Variants in NLRC4 observed in about 807,000 individuals in gnomAD.
NLRC4 encodes NLR family CARD domain containing 4.
Under a neutral mutation model 79.9 loss-of-function variants are expected in NLRC4, and 63 were observed. That is an observed-to-expected ratio of 0.79 (90% CI 0.64 to 0.97). NLRC4 has a LOEUF of 0.97. NLRC4 is among the 50% of genes least tolerant of loss of function. The probability of loss-of-function intolerance (pLI) is 0.00; values close to 1 mark genes in which losing one functional copy is unlikely to be tolerated. For synonymous variants in NLRC4, 461 were observed against 456.5 expected (o/e 1.01, Z -0.12); for missense variants, 1,074 against 1,215.2 (o/e 0.88, Z 1.73).
In NLRC4 at chr2:32,249,848, C is replaced by A. The variant is rs1319989105; in HGVS notation, c.2016G>T (p.Leu672Phe). ...CCAGATATCTGATATCTTGCTTATT[C>A]AACTTGCTGAAATCCCGGAGTGTGA... The part of the protein sequence containing the change: ...LEVTLRDFSK[L>F]NKQDIRYLGK... Residue 672 changes from leucine to phenylalanine, a missense_variant, in exon 4 of 9, where the codon TTG (leucine) becomes TTT (phenylalanine). Coordinates refer to ENST00000402280, the MANE Select transcript of NLRC4 (RefSeq NM_001199138.2). 1 of 1,614,184 alleles carries A rather than the reference C, an allele frequency of 6.2e-7. No individual in the cohort carries two copies. Among genetic ancestry groups the A allele is most frequent in the Non-Finnish European group, 8.5e-7 (1 of 1,180,032 alleles).
chr2:32,233,481 C>A (rs927738466), intron 8 of NLRC4, among the ~76,000 whole-genome samples: 1 of 151,264 alleles, frequency 6.6e-6, no homozygotes, highest in Non-Finnish European at 1.5e-5. Flanking sequence ...CATCAGCTAC[C>A]ACACCCAGCC....
intron 1 of NLRC4, among the ~76,000 whole-genome samples, chr2:32,264,093 C>G (rs1394835445): frequency 6.6e-6 from 1 of 152,070 alleles, no homozygotes; most frequent in African/African-American, 2.4e-5. Context: ...CCACCTCGTT[C>G]CTTTCAGCTT....
intron 6 of NLRC4, among the ~76,000 whole-genome samples, chr2:32,237,073 T>C (rs1686690887): frequency 1.3e-5 from 2 of 152,298 alleles, no homozygotes; most frequent in Admixed American, 6.5e-5. Context: ...AAAACTATTT[T>C]GCATGCAAAC....
chr2:32,232,314 T>C (rs765765496), intron 8 of NLRC4, among the ~76,000 whole-genome samples: 9 of 152,192 alleles, frequency 5.9e-5, no homozygotes, highest in Non-Finnish European at 1.0e-4. Context: ...AATATTTTCG[T>C]TGAAATTTGT....
intron 1 of NLRC4, among the ~76,000 whole-genome samples, chr2:32,262,061 C>T (rs1687365089): frequency 6.6e-6 from 1 of 151,950 alleles, no homozygotes; most frequent in African/African-American, 2.4e-5. Context: ...AGCCTGGTGA[C>T]AGAGCGAGAC....
intron 4 of NLRC4, among the ~76,000 whole-genome samples, chr2:32,246,113 G>A (rs577506431): frequency 6.6e-6 from 1 of 152,322 alleles, no homozygotes; most frequent in East Asian, 1.9e-4. Flanking sequence ...GAATCCGGGA[G>A]GTGGAGGTTG....
Position 32,237,806 on chromosome 2 carries a change from C to A in NLRC4, c.2521+326G>T, listed in dbSNP as rs376314177. 3.7e-4 allele frequency among the ~76,000 whole-genome samples: 56 copies of A among 152,264 alleles called. No individual in the cohort carries two copies. The South Asian group carries it at 0.011, about 31-fold the overall frequency. ...CTCACTTCTCAATCATTTATCCATTCATTTAAATGTTTATTAGGCAGTAAA... is the reference window on the plus strand; with the variant it reads ...CTCACTTCTCAATCATTTATCCATTAATTTAAATGTTTATTAGGCAGTAAA... On this transcript the variant is annotated intron_variant, in intron 6 of 8. Coordinates refer to ENST00000402280, the MANE Select transcript of NLRC4 (RefSeq NM_001199138.2).
chr2:32,236,027 C>T, intron 7 of NLRC4, among the ~76,000 whole-genome samples: 1 of 152,134 alleles, frequency 6.6e-6, no homozygotes, highest in South Asian at 2.1e-4. Context: ...AGGTGGGATA[C>T]CGCCTCAAAG....
chr2:32,254,555 G>A lies in NLRC4; in HGVS notation c.2-1876C>T, dbSNP rs575690442. ...GACAGCTTGGAGAAATGTCTTCCTG[G>A]TTTTTAACTCTCAGACACCGTCTGC... is the stretch of plus-strand genomic sequence containing the variant. On this transcript the variant is annotated intron_variant, in intron 2 of 8. Transcript: ENST00000402280. 6.6e-5 allele frequency among the ~76,000 whole-genome samples: 10 copies of A among 150,538 alleles called. 1 individual carries two copies. The highest frequency in any genetic ancestry group is 6.0e-4 in the Admixed American group (9 of 15,102).
chr2:32,242,391 A>G (rs1336763037), intron 4 of NLRC4, among the ~76,000 whole-genome samples: 1 of 152,266 alleles, frequency 6.6e-6, no homozygotes, highest in African/African-American at 2.4e-5. Flanking sequence ...AAATCTATGC[A>G]CATAAATTTG....
rs7587190 is a variant in NLRC4, at chr2:32,244,076, C to G, written c.2258-2951G>C. Among the ~76,000 whole-genome samples, 3 of 152,168 alleles carry G rather than the reference C, an allele frequency of 2.0e-5. No individual in the cohort carries two copies. The East Asian group carries it at 5.8e-4, about 29-fold the overall frequency. On this transcript the variant is annotated intron_variant, in intron 4 of 8. Transcript: ENST00000402280. The stretch of plus-strand genomic sequence containing the variant: ...ACCAGCCTGGGCAACATAGCGAGAA[C>G]TCGTCTCTACAAAAAATTTAAAAAT...
rs777972579 is a variant in NLRC4, at chr2:32,252,626, C to G, written c.55G>C (p.Val19Leu). ...RALIQRMGMTVIKQITDDLFV... is the reference protein window; with the variant it reads ...RALIQRMGMTLIKQITDDLFV... ...AGGTCATCTGTGATTTGCTTTATAA[C>G]AGTCATTCCCATTCTTTGAATAAGG... The change falls in exon 3 of 9, where the codon GTT becomes CTT. Residue 19 changes from valine (V) to leucine (L), a missense_variant. Physicochemically the swap from Val to Leu is conservative, Grantham distance 32. Coordinates refer to ENST00000402280, the MANE Select transcript of NLRC4 (RefSeq NM_001199138.2). The G allele has an allele frequency of 6.8e-6, 11 of 1,613,826 alleles. No homozygotes were observed. The South Asian group carries it at 1.2e-4, about 18-fold the overall frequency.
chr2:32,258,873 G>A (rs981764124), intron 1 of NLRC4, among the ~76,000 whole-genome samples: 1 of 151,952 alleles, frequency 6.6e-6, no homozygotes, highest in Non-Finnish European at 1.5e-5. Flanking sequence ...GATCTACCCC[G>A]GCTCCTCATA....
At chr2:32,233,119 G>GAA (rs1193059800) in intron 8 of NLRC4, among the ~76,000 whole-genome samples, 1 of 123,208 alleles carries the variant, frequency 8.1e-6, no homozygotes, top group African/African-American at 3.1e-5. Flanking sequence ...AAGAGAAAGA[G>GAA]AGGGGTGGGG....
intron 8 of NLRC4, among the ~76,000 whole-genome samples, chr2:32,234,140 G>A (rs1490091715): frequency 1.3e-5 from 2 of 152,184 alleles, no homozygotes; most frequent in East Asian, 1.9e-4. Context: ...CCAGCACTTT[G>A]GGAGGCCAGG....
At chr2:32,232,024 G>A (rs1686550319) in intron 8 of NLRC4, among the ~76,000 whole-genome samples, 1 of 152,072 alleles carries the variant, frequency 6.6e-6, no homozygotes, top group South Asian at 2.1e-4. Flanking sequence ...GGTCAGTTTT[G>A]TGTAGAAGTC....
intron 4 of NLRC4, among the ~76,000 whole-genome samples, chr2:32,245,910 G>T (rs188022384): frequency 3.3e-5 from 5 of 152,324 alleles, no homozygotes; most frequent in Admixed American, 2.6e-4. Context: ...GGGGCCAGGT[G>T]TGGTGGCTCA....
chr2:32,254,676 T>A (rs1687163971), intron 2 of NLRC4, among the ~76,000 whole-genome samples: 1 of 141,814 alleles, frequency 7.1e-6, no homozygotes, highest in Non-Finnish European at 1.5e-5. Context: ...TGGAGTGCAA[T>A]GGCGCGATCT....
At chr2:32,231,710 C>T (rs1026783045) in intron 8 of NLRC4, among the ~76,000 whole-genome samples, 3 of 151,996 alleles carry the variant, frequency 2.0e-5, no homozygotes, top group Non-Finnish European at 4.4e-5. Context: ...GCTGGGACTA[C>T]AGGCGTACGC....
Sources: allele counts gnomAD v4.1 joint callset (sites outside exome capture counted in the v4.1 genomes callset), GRCh38; gene constraint gnomAD v4.1.1; transcripts MANE v1.5; gene names NCBI Gene and HGNC (gene_info 2026-07-23, HGNC 2026-07-21).